The following OPALIN variants were observed in gnomAD, a reference collection of about 807,000 sequenced individuals.
OPALIN encodes oligodendrocytic myelin paranodal and inner loop protein.
In OPALIN, 15 loss-of-function variants were observed where a neutral mutation model predicts 17.8. The observed-to-expected ratio is 0.84, with a 90% confidence interval of 0.56 to 1.29. OPALIN has a LOEUF of 1.29. Among genes scored for constraint, OPALIN ranks in the 50% most tolerant of loss-of-function variants. The pLI is 0.00. For synonymous variants in OPALIN, 62 were observed against 63.8 expected (o/e 0.97, Z 0.14); for missense variants, 170 against 176.0 (o/e 0.97, Z 0.19).
At chr10:96,352,894 C>G (rs1234950584) in intron 2 of OPALIN, among the ~76,000 whole-genome samples, 1 of 152,178 alleles carries the variant, frequency 6.6e-6, no homozygotes, top group Non-Finnish European at 1.5e-5. Flanking sequence ...CTCTTTCTCT[C>G]CAGATGGACT....
chr10:96,347,471 C>T (rs1211365914), intron 5 of OPALIN, among the ~76,000 whole-genome samples: 1 of 151,636 alleles, frequency 6.6e-6, no homozygotes, highest in Non-Finnish European at 1.5e-5. Context: ...CAGTGTTACA[C>T]TTTCTAATTT....
chr10:96,354,752 G>T (rs921140493), intron 2 of OPALIN, among the ~76,000 whole-genome samples: 3 of 151,884 alleles, frequency 2.0e-5, no homozygotes, highest in Admixed American at 6.6e-5. Context: ...TTTTATAATG[G>T]AAATAAATTC....
chr10:96,357,148 G>A, intron 1 of OPALIN: 1 of 984,466 alleles, frequency 1.0e-6, no homozygotes, highest in Non-Finnish European at 1.2e-6. Context: ...GACACTGGAT[G>A]GTCGCTGCAC....
intron 2 of OPALIN, among the ~76,000 whole-genome samples, chr10:96,353,722 T>A (rs1845686268): frequency 6.6e-6 from 1 of 152,096 alleles, no homozygotes; most frequent in African/African-American, 2.4e-5. Flanking sequence ...GAACCTGGAG[T>A]GTCTATGGAC....
At chr10:96,357,090 C>A in intron 1 of OPALIN, 1 of 985,460 alleles carries the variant, frequency 1.0e-6, no homozygotes, top group Non-Finnish European at 1.2e-6. Flanking sequence ...GCTCAAGGGA[C>A]CTAACCACTG....
chr10:96,351,516 C>T, intron 2 of OPALIN, 106 bp from the exon 3 acceptor site: 1 of 606,908 alleles, frequency 1.6e-6, no homozygotes, highest in Non-Finnish European at 2.8e-6. Flanking sequence ...AAAGTTTATC[C>T]CTTTGCTAAA....
At chr10:96,354,637 A>G (rs1845727385) in intron 2 of OPALIN, among the ~76,000 whole-genome samples, 2 of 152,186 alleles carry the variant, frequency 1.3e-5, no homozygotes, top group Non-Finnish European at 2.9e-5. Context: ...ATGTAACGCC[A>G]AACAGGACAG....
At chr10:96,353,512 C>T in intron 2 of OPALIN, 2 of 1,279,408 alleles carry the variant, frequency 1.6e-6, no homozygotes, top group South Asian at 2.4e-5. Flanking sequence ...CCAGGCAAAG[C>T]AAAATGGTTG....
intron 2 of OPALIN, 82 bp downstream of exon 2, chr10:96,355,173 T>A (rs1036309415): frequency 1.8e-6 from 2 of 1,098,414 alleles, no homozygotes; most frequent in African/African-American, 1.6e-5. Flanking sequence ...TGTGAGGGGT[T>A]TATGTGAGTT....
chr10:96,352,028 C>T (rs758732262), intron 2 of OPALIN, among the ~76,000 whole-genome samples: 3 of 152,160 alleles, frequency 2.0e-5, no homozygotes, highest in Non-Finnish European at 4.4e-5. Context: ...ATGTAAACTA[C>T]ACTAAGTGGT....
chr10:96,353,555 A>G (rs1477419298), intron 2 of OPALIN: 2 of 843,438 alleles, frequency 2.4e-6, no homozygotes, highest in Non-Finnish European at 4.2e-6. Flanking sequence ...GGGTGAAGAG[A>G]CAGTTCTCAG....
At chr10:96,354,120 A>G (rs1168339812) in intron 2 of OPALIN, among the ~76,000 whole-genome samples, 1 of 152,198 alleles carries the variant, frequency 6.6e-6, no homozygotes. Flanking sequence ...AATGTGGCAC[A>G]GCCAAGCCCA....
chr10:96,353,385 C>T, intron 2 of OPALIN: 2 of 1,609,052 alleles, frequency 1.2e-6, no homozygotes, highest in South Asian at 2.2e-5. Flanking sequence ...CCAGGCTACC[C>T]AGCTGCACTG....
chr10:96,353,399 T>C, intron 2 of OPALIN: 1 of 1,611,886 alleles, frequency 6.2e-7, no homozygotes, highest in Non-Finnish European at 8.5e-7. Context: ...TGCACTGAAG[T>C]GGAAGGGTTA....
chr10:96,356,433 C>T (rs557125991), intron 1 of OPALIN, among the ~76,000 whole-genome samples: 1 of 152,334 alleles, frequency 6.6e-6, no homozygotes, highest in East Asian at 1.9e-4. Flanking sequence ...TCTCTCAAAA[C>T]CCTCATTTTC....
chr10:96,357,265 G>T, intron 1 of OPALIN: 1 of 516,304 alleles, frequency 1.9e-6, no homozygotes, highest in Non-Finnish European at 2.5e-6. Flanking sequence ...AGGGGGTGCA[G>T]CAACAAGTGG....
rs1845490795 is a variant in OPALIN at position 96,349,715 on chromosome 10, C to A, written c.184G>T (p.Ala62Ser). The A allele has an allele frequency of 1.2e-6, 2 of 1,613,594 alleles. No homozygotes were observed. Among genetic ancestry groups the A allele is most frequent in the Admixed American group, 1.7e-5 (1 of 59,936 alleles). ...LIHRRRSSIE[A>S]MEESDRPCEI... ...AAGAAGCTAGTAATCACCTCCATGG[C>A]CTCAATGCTGCTTCTTCTTCGGTGA... The change falls in exon 4 of 6, where the codon GCC (alanine) becomes TCC (serine). Residue 62 changes from alanine (A) to serine (S), a missense_variant. Ala to Ser is a moderately conservative substitution (Grantham distance 99). Coordinates refer to ENST00000371172, the MANE Select transcript of OPALIN (RefSeq NM_033207.5).
At position 96,345,591 on chromosome 10, in the gene OPALIN, T is replaced by C. The variant is rs1005943588; in HGVS notation, c.*350A>G. ...CATGAAAGTCAGATCTGATGGCTTT[T>C]TTGAGAAAAAGGATATGAAAAAAAA... On this transcript the variant is annotated 3_prime_UTR_variant, in exon 6 of 6. Coordinates refer to ENST00000371172, the MANE Select transcript of OPALIN (RefSeq NM_033207.5). 5.2e-6 allele frequency: 1 copy of C among 193,518 alleles called. No individual in the cohort carries two copies. Among genetic ancestry groups the C allele is most frequent in the Non-Finnish European group, 1.0e-5 (1 of 95,240 alleles). 12.0% of individuals were successfully genotyped at this position (193,518 alleles called of 1,614,324 possible).
Position 96,343,475 on chromosome 10 carries a change from A to C in OPALIN, c.*2466T>G, listed in dbSNP as rs1845179327. On this transcript the variant is annotated 3_prime_UTR_variant, in exon 6 of 6. Transcript: ENST00000371172. ...CCTTACAACCACCCCATGGGCTAAAAGGATGGAGGATGAGAACTGCTGTCT... is the reference window on the plus strand; with the variant it reads ...CCTTACAACCACCCCATGGGCTAAACGGATGGAGGATGAGAACTGCTGTCT... 6.6e-6 allele frequency: 1 copy of C among 152,232 alleles called. No individual in the cohort carries two copies. Among genetic ancestry groups the C allele is most frequent in the Non-Finnish European group, 1.5e-5 (1 of 68,042 alleles). The allele number at this position is 152,232 out of a possible 1,614,324, so 9.4% of individuals were successfully genotyped here.
Sources: allele counts gnomAD v4.1 joint callset (sites outside exome capture counted in the v4.1 genomes callset), GRCh38; gene constraint gnomAD v4.1.1; transcripts MANE v1.5; gene names NCBI Gene and HGNC (gene_info 2026-07-23, HGNC 2026-07-21).